Variants in STAM2 observed in about 807,000 individuals in gnomAD.
The protein encoded by STAM2 is signal transducing adapter molecule 2.
STAM2 carries 51 observed loss-of-function variants against 65.6 expected under a neutral mutation model. That is an observed-to-expected ratio of 0.78 (90% CI 0.62 to 0.98). The LOEUF (loss-of-function observed/expected upper bound fraction) is 0.98, where lower values mean the gene tolerates loss of function less well. Among genes scored for constraint, STAM2 ranks in the 50% least tolerant of loss-of-function variants. The probability of loss-of-function intolerance (pLI) is 0.00; values close to 1 mark genes in which losing one functional copy is unlikely to be tolerated. For synonymous variants in STAM2, 198 were observed against 208.4 expected, an observed-to-expected ratio of 0.95 and a Z score of 0.43; for missense variants, 584 against 617.8, an observed-to-expected ratio of 0.95 and a Z score of 0.58.
intron 1 of STAM2, among the ~76,000 whole-genome samples, chr2:152,156,280 A>C (rs1689544409): frequency 6.6e-6 from 1 of 152,190 alleles, no homozygotes; most frequent in Non-Finnish European, 1.5e-5. Flanking sequence ...ACTCTTTTTA[A>C]AAATATAAAA....
Position 152,174,152 on chromosome 2 carries a change from CAGA to C in STAM2, c.40+1448_40+1450del, listed in dbSNP as rs1560228002. Among the ~76,000 whole-genome samples, 26 of 152,298 alleles carry C rather than the reference CAGA, an allele frequency of 1.7e-4. No homozygotes were observed. In the South Asian group the frequency reaches 2.9e-3, roughly 17 times the overall value. ...TACTTGTACCAGAGAATTTTTCCAT[CAGA>C]AAACAATGAACTTTCAAGAAAAATT... On this transcript the variant is annotated intron_variant, in intron 1 of 13. Coordinates refer to ENST00000263904, the MANE Select transcript of STAM2 (RefSeq NM_005843.6).
intron 1 of STAM2, among the ~76,000 whole-genome samples, chr2:152,151,158 T>G (rs944584709): frequency 1.3e-5 from 2 of 151,918 alleles, no homozygotes; most frequent in Non-Finnish European, 2.9e-5. Flanking sequence ...GCAGAAGAAT[T>G]TATAATATTT....
intron 1 of STAM2, among the ~76,000 whole-genome samples, chr2:152,161,630 CCTT>C (rs937023117): frequency 5.3e-5 from 8 of 151,868 alleles, no homozygotes; most frequent in African/African-American, 1.5e-4. Flanking sequence ...TAATTCTACT[CCTT>C]CTCTCCCTTA....
At chr2:152,166,681 A>G (rs911507580) in intron 1 of STAM2, among the ~76,000 whole-genome samples, 1 of 152,184 alleles carries the variant, frequency 6.6e-6, no homozygotes, top group Non-Finnish European at 1.5e-5. Flanking sequence ...TGAAAAAAAA[A>G]AAGTTCTTCC....
At chr2:152,149,840 A>G (rs1462277746) in intron 2 of STAM2, among the ~76,000 whole-genome samples, 1 of 152,176 alleles carries the variant, frequency 6.6e-6, no homozygotes, top group Non-Finnish European at 1.5e-5. Context: ...CCAATACCAT[A>G]AACAGTAGAT....
chr2:152,172,646 A>C (rs1172315453), intron 1 of STAM2, among the ~76,000 whole-genome samples: 1 of 152,076 alleles, frequency 6.6e-6, no homozygotes, highest in Non-Finnish European at 1.5e-5. Context: ...AGGCGGGCAG[A>C]TCACTTGAGG....
intron 13 of STAM2, 105 bp downstream of exon 13, chr2:152,123,660 GA>G: frequency 8.9e-7 from 1 of 1,119,416 alleles, no homozygotes; most frequent in Non-Finnish European, 1.3e-6. Context: ...ACAGGATTAT[GA>G]ATAAACAGTT....
rs140899868 is a variant in STAM2 at position 152,139,853 on chromosome 2, AT to A, written c.704+3973del. Among the ~76,000 whole-genome samples the A allele has an allele frequency of 8.3e-3, 1,261 of 152,264 alleles. 26 individuals carry two copies. The highest frequency in any genetic ancestry group is 0.029 in the African/African-American group (1,205 of 41,532). On this transcript the variant is annotated intron_variant, in intron 7 of 13. Transcript: ENST00000263904. ...AAATGACAATAGAACAACAAAAAAA[AT>A]TTTTAATACAATATATTGTATTTAA...
rs528394122 is a variant in STAM2 at position 152,124,889 on chromosome 2, C to A, written c.1180-954G>T. On this transcript the variant is annotated intron_variant, in intron 12 of 13. Coordinates refer to ENST00000263904, the MANE Select transcript of STAM2 (RefSeq NM_005843.6). ...CAATATAACTAATGTGTTACCCCAA[C>A]TGCTTCTAGTAGAGATATATTTTTG... Among the ~76,000 whole-genome samples, 47 of 152,300 alleles carry A rather than the reference C, an allele frequency of 3.1e-4. No homozygotes were observed. The South Asian group carries it at 9.5e-3, about 31-fold the overall frequency.
At chr2:152,169,856 C>CTTT (rs534239660) in intron 1 of STAM2, among the ~76,000 whole-genome samples, 3 of 142,232 alleles carry the variant, frequency 2.1e-5, no homozygotes, top group Non-Finnish European at 3.1e-5. Context: ...AAGAGCTACA[C>CTTT]TTTTTTTTTT....
chr2:152,117,416 C>T lies in STAM2; in HGVS notation c.*3158G>A, dbSNP rs369382065. ...TCAAGCAATACTCCTATCTCAGGCT[C>T]CCAAAGTGCTGGGATTATAGGCATG... On this transcript the variant is annotated 3_prime_UTR_variant, in exon 14 of 14. Coordinates refer to ENST00000263904, the MANE Select transcript of STAM2 (RefSeq NM_005843.6). 1 of 152,146 alleles carries T rather than the reference C, an allele frequency of 6.6e-6. No homozygotes were observed. Among genetic ancestry groups the T allele is most frequent in the South Asian group, 2.1e-4 (1 of 4,828 alleles). 9.4% of individuals were successfully genotyped at this position (152,146 alleles called of 1,614,324 possible). A position where few individuals can be genotyped will look rare whatever the true frequency, so the allele number is the denominator to read the frequency against.
chr2:152,123,744 T>C (rs1688903233), intron 13 of STAM2, 22 bp downstream of exon 13: 2 of 1,611,640 alleles, frequency 1.2e-6, no homozygotes, highest in Non-Finnish European at 1.7e-6. Context: ...CATATAAAAT[T>C]AACACAGCTC....
At chr2:152,134,855 C>T (rs1484979714) in intron 8 of STAM2, among the ~76,000 whole-genome samples, 3 of 152,162 alleles carry the variant, frequency 2.0e-5, no homozygotes, top group African/African-American at 7.2e-5. Context: ...TGTTCCTTTA[C>T]ACTCAGATCC....
chr2:152,166,529 C>A (rs1678675072), intron 1 of STAM2, among the ~76,000 whole-genome samples: 1 of 152,180 alleles, frequency 6.6e-6, no homozygotes, highest in Non-Finnish European at 1.5e-5. Flanking sequence ...GTGGCCACTT[C>A]AGAATGTCAA....
chr2:152,167,432 T>C (rs2105568425), intron 1 of STAM2, among the ~76,000 whole-genome samples: 1 of 152,310 alleles, frequency 6.6e-6, no homozygotes, highest in African/African-American at 2.4e-5. Context: ...AATAAGTCAA[T>C]GTGAAACTTA....
intron 4 of STAM2, 51 bp from the exon 5 acceptor site, chr2:152,147,359 G>C (rs369937730): frequency 2.5e-5 from 35 of 1,424,338 alleles, no homozygotes; most frequent in Non-Finnish European, 3.7e-6. Context: ...GTTAAAATAA[G>C]TACTTAAATT....
chr2:152,153,325 T>C (rs1180526919), intron 1 of STAM2, among the ~76,000 whole-genome samples: 2 of 151,838 alleles, frequency 1.3e-5, no homozygotes, highest in East Asian at 3.9e-4. Flanking sequence ...TGACAGGTAA[T>C]ATCACAGTGA....
intron 1 of STAM2, among the ~76,000 whole-genome samples, chr2:152,169,520 AC>A (rs1689860556): frequency 6.6e-6 from 1 of 152,080 alleles, no homozygotes; most frequent in African/African-American, 2.4e-5. Flanking sequence ...CAAGCAATCC[AC>A]CAAGTGTTTG....
chr2:152,146,661 C>T (rs1689341617), intron 5 of STAM2, among the ~76,000 whole-genome samples: 1 of 152,200 alleles, frequency 6.6e-6, no homozygotes. Context: ...ATGACTTCTT[C>T]ACTTCTCTCT....
Sources: gnomAD v4.1 joint callset for allele counts (sites outside exome capture counted in the v4.1 genomes callset) on GRCh38, gnomAD v4.1.1 for gene constraint, MANE v1.5 for transcripts, NCBI Gene and HGNC (gene_info 2026-07-23, HGNC 2026-07-21) for gene names.